The following MMP16 variants were observed in gnomAD, a reference collection of about 807,000 sequenced individuals.
MMP16 encodes the protein matrix metalloproteinase-16.
MMP16 carries 12 observed loss-of-function variants against 67.8 expected under a neutral mutation model. That is an observed-to-expected ratio of 0.18 (90% CI 0.11 to 0.29). The LOEUF (loss-of-function observed/expected upper bound fraction) is 0.29. Ranked by LOEUF, MMP16 falls within the 10% of genes least tolerant of loss-of-function variation. The pLI, the probability that MMP16 is intolerant of heterozygous loss-of-function variation, is 1.00. For synonymous variants in MMP16, 249 were observed against 255.9 expected (o/e 0.97, Z 0.26); for missense variants, 475 against 765.7 (o/e 0.62, Z 4.48).
intron 4 of MMP16, among the ~76,000 whole-genome samples, chr8:88,147,031 TACA>T (rs200049193): frequency 6.6e-6 from 1 of 152,024 alleles, no homozygotes; most frequent in African/African-American, 2.4e-5. Context: ...TTTAATTTAT[TACA>T]ACAACTTTAC....
chr8:88,153,801 C>G (rs909547558), intron 4 of MMP16, among the ~76,000 whole-genome samples: 7 of 151,416 alleles, frequency 4.6e-5, no homozygotes, highest in Non-Finnish European at 1.0e-4. Flanking sequence ...AGGACATAGG[C>G]ATGGGCAAGG....
intron 6 of MMP16, among the ~76,000 whole-genome samples, chr8:88,074,990 T>C (rs3739381): frequency 0.063 from 9,584 of 152,262 alleles, 539 homozygotes; most frequent in Admixed American, 0.13. Flanking sequence ...CTTGTCATTT[T>C]ACATTTTCTC....
intron 1 of MMP16, among the ~76,000 whole-genome samples, chr8:88,265,883 C>A (rs11991179): frequency 0.21 from 31,782 of 152,046 alleles, 3,804 homozygotes; most frequent in African/African-American, 0.32. Context: ...ACAACTGAGG[C>A]ATTAGGGAAA....
In MMP16 at chr8:88,099,160, AT is replaced by A. The variant is rs892631362; in HGVS notation, c.1083+17346del. 4.0e-5 allele frequency among the ~76,000 whole-genome samples: 6 copies of A among 151,724 alleles called. No homozygotes were observed. In the East Asian group the frequency reaches 9.8e-4, roughly 25 times the overall value. On this transcript the variant is annotated intron_variant, in intron 6 of 9. Coordinates refer to ENST00000286614, the MANE Select transcript of MMP16 (RefSeq NM_005941.5). ...TGTACGTTCTAAAAAGAATATAAGA[AT>A]TTTTTTATATTATGAAAAACAGAAT...
At chr8:88,181,051 C>T (rs1808972850) in intron 3 of MMP16, among the ~76,000 whole-genome samples, 1 of 152,054 alleles carries the variant, frequency 6.6e-6, no homozygotes, top group Non-Finnish European at 1.5e-5. Flanking sequence ...TGATGAACAA[C>T]ATCTAGTAAA....
At position 88,186,602 on chromosome 8, in the gene MMP16, C is replaced by CAGA; in HGVS notation, c.282-5_282-4insTCT. The CAGA allele has an allele frequency of 8.6e-7, 1 of 1,164,314 alleles. No homozygotes were observed. Among genetic ancestry groups the CAGA allele is most frequent in the Non-Finnish European group, 1.1e-6 (1 of 937,200 alleles). The allele number at this position is 1,164,314 out of a possible 1,614,324, so 72.1% of individuals were successfully genotyped here. A position where few individuals can be genotyped will look rare whatever the true frequency, so the allele number is the denominator to read the frequency against. ...GCATCGGGGCTTCTTCATCCAGCTGCAAAAAAAAAAAAAAAAAAAAAAAAG... is the reference window on the plus strand; with the variant it reads ...GCATCGGGGCTTCTTCATCCAGCTGCAGAAAAAAAAAAAAAAAAAAAAAAAAAG... On this transcript the variant is annotated splice_region_variant and splice_polypyrimidine_tract_variant and intron_variant, in intron 2 of 9. Coordinates refer to ENST00000286614, the MANE Select transcript of MMP16 (RefSeq NM_005941.5).
At chr8:88,168,114 T>A in intron 3 of MMP16, 141 bp from the exon 4 acceptor site, 1 of 630,542 alleles carries the variant, frequency 1.6e-6, no homozygotes, top group Non-Finnish European at 2.7e-6. Context: ...CTCTTGTCTC[T>A]ACTGTTAGAT....
chr8:88,091,829 T>A (rs991291198), intron 6 of MMP16, among the ~76,000 whole-genome samples: 4 of 151,888 alleles, frequency 2.6e-5, no homozygotes, highest in African/African-American at 9.7e-5. Flanking sequence ...ACTTCCTTAG[T>A]TGCACTAGCC....
chr8:88,203,548 G>A (rs1172264667), intron 1 of MMP16, among the ~76,000 whole-genome samples: 2 of 152,262 alleles, frequency 1.3e-5, no homozygotes, highest in East Asian at 3.9e-4. Flanking sequence ...ACCACTAGAT[G>A]TCCTAAAGGA....
intron 4 of MMP16, among the ~76,000 whole-genome samples, chr8:88,155,517 T>C (rs1175460719): frequency 1.3e-5 from 2 of 152,124 alleles, no homozygotes; most frequent in Admixed American, 6.6e-5. Context: ...ATTTTAGAAT[T>C]GGATATTTTT....
At chr8:88,071,663 A>G (rs1808557415) in intron 7 of MMP16, among the ~76,000 whole-genome samples, 2 of 152,286 alleles carry the variant, frequency 1.3e-5, no homozygotes, top group Admixed American at 6.5e-5. Context: ...GTACATGGCT[A>G]TAAGTACAGG....
intron 3 of MMP16, among the ~76,000 whole-genome samples, chr8:88,185,308 A>C (rs569346649): frequency 6.6e-6 from 1 of 152,142 alleles, no homozygotes; most frequent in African/African-American, 2.4e-5. Context: ...AAAATACAAA[A>C]GTTAGCTGGG....
rs981917720 is a variant in MMP16 at position 88,149,054 on chromosome 8, G to A, written c.709+18615C>T. 5.9e-5 allele frequency among the ~76,000 whole-genome samples: 9 copies of A among 152,342 alleles called. No individual in the cohort carries two copies. The East Asian group carries it at 9.7e-4, about 16-fold the overall frequency. Reference sequence around the variant, plus strand: ...CGAGGCATTGCCTCACCTGGGAAGCGCAAGGGGTCAGGGAGTTCCCTTTCT... The same window carrying A: ...CGAGGCATTGCCTCACCTGGGAAGCACAAGGGGTCAGGGAGTTCCCTTTCT... On this transcript the variant is annotated intron_variant, in intron 4 of 9. Transcript: ENST00000286614.
intron 8 of MMP16, among the ~76,000 whole-genome samples, chr8:88,049,393 G>A (rs1012622019): frequency 2.6e-5 from 4 of 152,134 alleles, no homozygotes; most frequent in Non-Finnish European, 1.5e-5. Context: ...TAATGCAGCT[G>A]AGATTTGCTC....
rs533581617 is a variant in MMP16, at chr8:88,118,741, T to C, written c.830A>G (p.Lys277Arg). The C allele has an allele frequency of 1.2e-6, 2 of 1,613,450 alleles. No homozygotes were observed. Among genetic ancestry groups the C allele is most frequent in the South Asian group, 1.1e-5 (1 of 91,066 alleles). ...GCCCTGTAAATCATCATTAGGTAGT[T>C]TGAAGTTGTCTGTTTCCATGTACTG... ...FYQYMETDNF[K>R]LPNDDLQGIQ... Residue 277 changes from lysine (K) to arginine (R), a missense_variant, in exon 5 of 10, where the codon AAA becomes AGA. Transcript: ENST00000286614.
At position 88,036,185 on chromosome 8, in the gene MMP16, G is replaced by A. The variant is rs1348924822; in HGVS notation, c.*5276C>T. On this transcript the variant is annotated 3_prime_UTR_variant, in exon 10 of 10. Transcript: ENST00000286614. ...ATTTTTAGCCTGTAAGGCAATGCAT[G>A]AGTATCAGATGTGTTTAAGCACAGT... The A allele has an allele frequency of 6.6e-6, 1 of 151,932 alleles. No individual in the cohort carries two copies. Among genetic ancestry groups the A allele is most frequent in the Non-Finnish European group, 1.5e-5 (1 of 67,846 alleles). The allele number at this position is 151,932 out of a possible 1,614,324, so 9.4% of individuals were successfully genotyped here.
intron 1 of MMP16, among the ~76,000 whole-genome samples, chr8:88,312,881 T>C (rs762647465): frequency 2.1e-4 from 32 of 152,190 alleles, no homozygotes; most frequent in African/African-American, 4.1e-4. Flanking sequence ...GGCAGGAGAA[T>C]TGCTTGAACC....
chr8:88,287,115 A>G (rs1810844867), intron 1 of MMP16, among the ~76,000 whole-genome samples: 1 of 152,166 alleles, frequency 6.6e-6, no homozygotes, highest in African/African-American at 2.4e-5. Flanking sequence ...CCCACTGAGG[A>G]CTATGAAAGC....
At chr8:88,101,280 A>T (rs189575617) in intron 6 of MMP16, among the ~76,000 whole-genome samples, 1 of 151,966 alleles carries the variant, frequency 6.6e-6, no homozygotes, top group African/African-American at 2.4e-5. Context: ...CTCAATACAG[A>T]TTCATAAAAT....
Sources: allele counts gnomAD v4.1 joint callset (sites outside exome capture counted in the v4.1 genomes callset), GRCh38; gene constraint gnomAD v4.1.1; transcripts MANE v1.5; gene names NCBI Gene and HGNC (gene_info 2026-07-23, HGNC 2026-07-21).